ARHGEF3: variants seen among roughly 807,000 people sequenced by gnomAD.
The protein encoded by ARHGEF3 is 59.8 kDA protein.
A neutral mutation model predicts 63.2 loss-of-function variants in ARHGEF3; 28 were observed. That is an observed-to-expected ratio of 0.44 (90% confidence interval 0.33 to 0.61). The LOEUF is 0.61. ARHGEF3 is among the 20% of genes least tolerant of loss of function. The pLI is 0.03. For synonymous variants in ARHGEF3, 266 were observed against 254.2 expected (o/e 1.05, Z -0.44); for missense variants, 533 against 659.3 (o/e 0.81, Z 2.10).
intron 1 of ARHGEF3, among the ~76,000 whole-genome samples, chr3:56,785,185 C>G (rs2036743899): frequency 6.6e-6 from 1 of 152,130 alleles, no homozygotes; most frequent in African/African-American, 2.4e-5. Context: ...GCTACGAGAC[C>G]ATGTATTTTG....
At position 56,927,145 on chromosome 3, in the gene ARHGEF3, C is replaced by T. The variant is rs571519885; in HGVS notation, c.129+31678G>A. Among the ~76,000 whole-genome samples the T allele has an allele frequency of 2.0e-5, 3 of 152,344 alleles. No individual in the cohort carries two copies. The South Asian group carries it at 6.2e-4, about 32-fold the overall frequency. ...TGACCCCTGATCATTTACTTAACTT[C>T]CCTGTGCCTCTGTTTCCTCCTCTGG... On this transcript the variant is annotated intron_variant, in intron 3 of 12. Transcript: ENST00000338458.
At chr3:57,006,392 C>T (rs1339078262) in intron 2 of ARHGEF3, among the ~76,000 whole-genome samples, 1 of 152,120 alleles carries the variant, frequency 6.6e-6, no homozygotes, top group East Asian at 1.9e-4. Flanking sequence ...CTAATGGCTT[C>T]CCTCAAAGAA....
At chr3:56,983,716 T>C (rs1701418742) in intron 2 of ARHGEF3, among the ~76,000 whole-genome samples, 1 of 151,938 alleles carries the variant, frequency 6.6e-6, no homozygotes, top group Non-Finnish European at 1.5e-5. Flanking sequence ...GGCGGGCGGA[T>C]CATGAGGTCA....
At chr3:56,850,935 C>T (rs985867778) in intron 4 of ARHGEF3, among the ~76,000 whole-genome samples, 2 of 152,170 alleles carry the variant, frequency 1.3e-5, no homozygotes, top group Non-Finnish European at 2.9e-5. Context: ...AACTGAGGCA[C>T]AGAAGAGGTC....
At chr3:56,874,695 A>C (rs2040530859) in intron 4 of ARHGEF3, among the ~76,000 whole-genome samples, 1 of 152,212 alleles carries the variant, frequency 6.6e-6, no homozygotes, top group African/African-American at 2.4e-5. Flanking sequence ...CAACTTTGCC[A>C]ATAAGACCAG....
At chr3:56,791,533 C>T (rs904798239) in intron 1 of ARHGEF3, among the ~76,000 whole-genome samples, 1 of 152,190 alleles carries the variant, frequency 6.6e-6, no homozygotes, top group African/African-American at 2.4e-5. Context: ...TAACAGTGAT[C>T]TCACATCAAA....
intron 4 of ARHGEF3, among the ~76,000 whole-genome samples, chr3:56,881,371 C>T (rs2040760140): frequency 6.6e-6 from 1 of 152,114 alleles, no homozygotes; most frequent in Admixed American, 6.6e-5. Context: ...GGTTAAACCC[C>T]AGGGATGTGC....
At chr3:56,845,536 T>A (rs182896692) in intron 4 of ARHGEF3, among the ~76,000 whole-genome samples, 4 of 152,260 alleles carry the variant, frequency 2.6e-5, no homozygotes, top group Middle Eastern at 3.4e-3. Flanking sequence ...AGTGCTATAT[T>A]TTGTGTTTCT....
intron 1 of ARHGEF3, among the ~76,000 whole-genome samples, chr3:57,068,868 C>T (rs116958263): frequency 6.6e-6 from 1 of 152,096 alleles, no homozygotes; most frequent in East Asian, 1.9e-4. Context: ...TCCCTATGAA[C>T]TGCCGGTTCC....
At chr3:57,016,407 G>C (rs776943932) in intron 2 of ARHGEF3, among the ~76,000 whole-genome samples, 1 of 151,646 alleles carries the variant, frequency 6.6e-6, no homozygotes, top group Non-Finnish European at 1.5e-5. Context: ...AAATTAGCTG[G>C]GCGTGATGGT....
chr3:56,786,672 C>A (rs2036834395), intron 1 of ARHGEF3, among the ~76,000 whole-genome samples: 1 of 151,938 alleles, frequency 6.6e-6, no homozygotes, highest in Non-Finnish European at 1.5e-5. Context: ...TAATATGCAA[C>A]CAGATGTATC....
intron 9 of ARHGEF3, among the ~76,000 whole-genome samples, chr3:56,730,601 G>A (rs192173810): frequency 2.4e-4 from 37 of 151,974 alleles, no homozygotes; most frequent in Non-Finnish European, 4.6e-4. Flanking sequence ...GGCTGGTCTC[G>A]AACTCCTGAC....
intron 2 of ARHGEF3, among the ~76,000 whole-genome samples, chr3:56,994,042 C>T (rs569018198): frequency 5.5e-4 from 39 of 70,384 alleles, no homozygotes; most frequent in African/African-American, 1.9e-3. Context: ...CCAGCCTGGG[C>T]GACAAGAGTG....
chr3:56,931,449 G>A (rs1261662533), intron 3 of ARHGEF3, among the ~76,000 whole-genome samples: 1 of 151,842 alleles, frequency 6.6e-6, no homozygotes, highest in African/African-American at 2.4e-5. Context: ...GGTGGCATGT[G>A]CCTGCAGTCC....
intron 4 of ARHGEF3, among the ~76,000 whole-genome samples, chr3:56,852,629 C>T (rs2039718018): frequency 6.6e-6 from 1 of 152,042 alleles, no homozygotes; most frequent in Non-Finnish European, 1.5e-5. Flanking sequence ...AAAATCATAG[C>T]TAGTTCTCTT....
At chr3:56,893,576 C>T (rs1178774380) in intron 3 of ARHGEF3, among the ~76,000 whole-genome samples, 4 of 152,050 alleles carry the variant, frequency 2.6e-5, no homozygotes, top group Admixed American at 6.6e-5. Flanking sequence ...GAGTCTGAGA[C>T]GGGCGGATCA....
chr3:57,041,601 T>A (rs1704189886), intron 1 of ARHGEF3, among the ~76,000 whole-genome samples: 1 of 152,122 alleles, frequency 6.6e-6, no homozygotes, highest in Middle Eastern at 3.2e-3. Flanking sequence ...CTCCACCAAA[T>A]AAGATCTTTT....
intron 4 of ARHGEF3, among the ~76,000 whole-genome samples, chr3:56,854,292 T>G (rs2039792289): frequency 6.6e-6 from 1 of 152,092 alleles, no homozygotes; most frequent in Non-Finnish European, 1.5e-5. Context: ...TAGAAAGGAC[T>G]ATGTCAAGGA....
intron 2 of ARHGEF3, among the ~76,000 whole-genome samples, chr3:57,014,473 T>G (rs1219941095): frequency 6.6e-6 from 1 of 152,162 alleles, no homozygotes; most frequent in Admixed American, 6.5e-5. Context: ...GTGGTATAAT[T>G]CTATTAAAAT....
Sources: gnomAD v4.1 joint callset for allele counts (sites outside exome capture counted in the v4.1 genomes callset) on GRCh38, gnomAD v4.1.1 for gene constraint, MANE v1.5 for transcripts, NCBI Gene and HGNC (gene_info 2026-07-23, HGNC 2026-07-21) for gene names.